LPIN1: variants seen among roughly 807,000 people sequenced by gnomAD.
The protein encoded by LPIN1 is lipin 1.
A neutral mutation model predicts 107.5 loss-of-function variants in LPIN1; 71 were observed. The ratio of observed to expected loss-of-function variants is 0.66; its 90% CI spans 0.55 to 0.80. LPIN1 has a LOEUF of 0.80. Among genes scored for constraint, LPIN1 ranks in the 30% least tolerant of loss-of-function variants. The pLI, the probability that LPIN1 is intolerant of heterozygous loss-of-function variation, is 0.00. For missense variants in LPIN1, 1,043 were observed against 1,160.6 expected (o/e 0.90, Z 1.47); for synonymous variants, 445 against 452.6 (o/e 0.98, Z 0.21).
intron 17 of LPIN1, among the ~76,000 whole-genome samples, chr2:11,813,399 C>G (rs1680026364): frequency 6.6e-6 from 1 of 151,550 alleles, no homozygotes; most frequent in Admixed American, 6.6e-5. Flanking sequence ...AAAAAGTAAA[C>G]TTTAATGTCG....
rs1673694901 is a variant in LPIN1 at position 11,782,263 on chromosome 2, A to G, written c.1020A>G (p.Lys340=). Residue 340 remains lysine, a synonymous_variant, in exon 8 of 21, where the codon AAA becomes AAG. Coordinates refer to ENST00000674199, the MANE Select transcript of LPIN1 (RefSeq NM_001349206.2). ...SPLSSRKICD[K]SHFQAIHSES... is the part of the protein sequence containing the mutation. Reference sequence around the variant, plus strand: ...TGAGCAGTAGAAAAATTTGTGATAAAAGTCACTTTCAGGCCATTCACAGCG... The same window carrying G: ...TGAGCAGTAGAAAAATTTGTGATAAGAGTCACTTTCAGGCCATTCACAGCG... The G allele has an allele frequency of 1.2e-6, 2 of 1,614,078 alleles. No individual in the cohort carries two copies. The highest frequency in any genetic ancestry group is 2.2e-5 in the East Asian group (1 of 44,904).
chr2:11,768,483 GAAT>G, intron 3 of LPIN1, among the ~76,000 whole-genome samples: 1 of 152,102 alleles, frequency 6.6e-6, no homozygotes, highest in Non-Finnish European at 1.5e-5. Context: ...CTTTTGAATG[GAAT>G]TACAGTATCT....
chr2:11,812,950 G>A (rs186138821), intron 17 of LPIN1, among the ~76,000 whole-genome samples: 65 of 152,326 alleles, frequency 4.3e-4, no homozygotes, highest in African/African-American at 1.5e-3. Context: ...ATTGTGTGGC[G>A]TGGGGGCTGG....
At chr2:11,731,651 C>T (rs185321644) in intron 1 of LPIN1, among the ~76,000 whole-genome samples, 39 of 152,312 alleles carry the variant, frequency 2.6e-4, no homozygotes, top group South Asian at 1.4e-3. Flanking sequence ...AATCACTACA[C>T]GCTCTTTCAC....
At chr2:11,710,430 A>G (rs1663349069) in intron 1 of LPIN1, among the ~76,000 whole-genome samples, 1 of 152,148 alleles carries the variant, frequency 6.6e-6, no homozygotes. Flanking sequence ...GAGAACAGGA[A>G]TGTGGCTCTG....
At chr2:11,746,492 A>C, upstream of LPIN1, 1 of 225,064 alleles carries the variant, frequency 4.4e-6, no homozygotes, top group South Asian at 1.6e-4. Context: ...AGGGCCGGCC[A>C]GCAGGCCCTG....
intron 1 of LPIN1, among the ~76,000 whole-genome samples, chr2:11,747,524 A>T (rs1341521436): frequency 6.6e-6 from 1 of 152,202 alleles, no homozygotes; most frequent in Admixed American, 6.5e-5. Context: ...GATGTTTTAG[A>T]ACCCGGCAGT....
intron 12 of LPIN1, chr2:11,791,663 T>C (rs1675750855): frequency 7.6e-7 from 1 of 1,318,506 alleles, no homozygotes; most frequent in East Asian, 4.4e-5. Context: ...GTTGTTGTGT[T>C]GTATTTTATT....
chr2:11,715,962 G>A (rs1197694380), intron 2 of LPIN1, among the ~76,000 whole-genome samples: 1 of 152,192 alleles, frequency 6.6e-6, no homozygotes, highest in East Asian at 1.9e-4. Context: ...CTGCAGTCCT[G>A]TGAGAGTACA....
chr2:11,820,395 C>A lies in LPIN1; in HGVS notation c.2518-16C>A. 2 of 1,508,544 alleles carry A rather than the reference C, an allele frequency of 1.3e-6. No homozygotes were observed. The highest frequency in any genetic ancestry group is 1.1e-5 in the South Asian group (1 of 88,916). 93.4% of individuals were successfully genotyped at this position (1,508,544 alleles called of 1,614,324 possible). A position where few individuals can be genotyped will look rare whatever the true frequency, so the allele number is the denominator to read the frequency against. ...CTTTTCTAATGAACACTTTAAATCA[C>A]CTTTACCAAATATAGGATGTGTATT... On this transcript the variant is annotated splice_polypyrimidine_tract_variant and intron_variant, in intron 19 of 20. Transcript: ENST00000674199.
chr2:11,687,706 G>A (rs1391944897), intron 1 of LPIN1, among the ~76,000 whole-genome samples: 1 of 152,242 alleles, frequency 6.6e-6, no homozygotes, highest in Non-Finnish European at 1.5e-5. Context: ...CATAGACTGC[G>A]TGAGACCCTG....
chr2:11,706,143 A>G (rs1663117126), intron 1 of LPIN1, among the ~76,000 whole-genome samples: 1 of 152,010 alleles, frequency 6.6e-6, no homozygotes, highest in Admixed American at 6.6e-5. Flanking sequence ...AATTCATTAA[A>G]CCCTTTTCTT....
chr2:11,769,056 C>T (rs1016252057), intron 3 of LPIN1, among the ~76,000 whole-genome samples: 6 of 152,194 alleles, frequency 3.9e-5, no homozygotes, highest in African/African-American at 1.4e-4. Flanking sequence ...TGTGTGGACA[C>T]GTGTGTTTGA....
In LPIN1 at chr2:11,772,281, G is replaced by T. The variant is rs143226473; in HGVS notation, c.596+602G>T. The stretch of plus-strand genomic sequence containing the variant: ...TTCTAACAGGGGCATGGACCCCAGG[G>T]GTTGGGGACCCCTATTTTAGGCTGA... On this transcript the variant is annotated intron_variant, in intron 4 of 20. Coordinates refer to ENST00000674199, the MANE Select transcript of LPIN1 (RefSeq NM_001349206.2). Among the ~76,000 whole-genome samples the T allele has an allele frequency of 5.9e-3, 892 of 152,324 alleles. 13 individuals are homozygous for T. The highest frequency in any genetic ancestry group is 0.021 in the African/African-American group (862 of 41,588).
chr2:11,692,762 G>T (rs1653799206), intron 1 of LPIN1, among the ~76,000 whole-genome samples: 1 of 152,140 alleles, frequency 6.6e-6, no homozygotes, highest in Admixed American at 6.5e-5. Context: ...TTCTCCAGAT[G>T]TTTTTGATGA....
intron 1 of LPIN1, among the ~76,000 whole-genome samples, chr2:11,687,886 G>A (rs560961214): frequency 6.6e-6 from 1 of 152,270 alleles, no homozygotes; most frequent in Admixed American, 6.5e-5. Context: ...TTTATGGTCT[G>A]CATGGTGTGC....
rs200414823 is a variant in LPIN1 at position 11,775,929 on chromosome 2, TTATA to T, written c.723-152_723-149del. On this transcript the variant is annotated intron_variant, in intron 5 of 20. Transcript: ENST00000674199. ...TATATTATATATACTTTATATAATC[TTATA>T]TATAGTCTTTAAAGTATATTATATA... Among the ~76,000 whole-genome samples the T allele has an allele frequency of 0.022, 3,197 of 147,918 alleles. 98 individuals carry two copies. The highest frequency in any genetic ancestry group is 0.067 in the African/African-American group (2,744 of 40,816).
upstream of LPIN1, among the ~76,000 whole-genome samples, chr2:11,744,498 T>C (rs1374608192): frequency 1.3e-5 from 2 of 152,220 alleles, no homozygotes; most frequent in Admixed American, 1.3e-4. Flanking sequence ...CGGGACCTAA[T>C]TTGCTCTGAA....
chr2:11,732,015 T>C (rs1006007657), intron 1 of LPIN1, among the ~76,000 whole-genome samples: 2 of 152,214 alleles, frequency 1.3e-5, no homozygotes, highest in African/African-American at 4.8e-5. Context: ...TTTTCTCCCA[T>C]TCTGTAGGTT....
Sources: allele counts gnomAD v4.1 joint callset (sites outside exome capture counted in the v4.1 genomes callset), GRCh38; gene constraint gnomAD v4.1.1; transcripts MANE v1.5; gene names NCBI Gene and HGNC (gene_info 2026-07-23, HGNC 2026-07-21).